The following AP1B1 variants were observed in gnomAD, a reference collection of about 807,000 sequenced individuals.
AP1B1 encodes adaptor related protein complex 1 subunit beta 1.
In AP1B1, 36 loss-of-function variants were observed where a neutral mutation model predicts 104.3. The ratio of observed to expected loss-of-function variants is 0.35; its 90% CI spans 0.26 to 0.46. The LOEUF (loss-of-function observed/expected upper bound fraction) is 0.46. AP1B1 is among the 20% of genes least tolerant of loss of function. The pLI, the probability that AP1B1 is intolerant of heterozygous loss-of-function variation, is 1.00. For missense variants in AP1B1, 901 were observed against 1,247.9 expected, an observed-to-expected ratio of 0.72 and a Z score of 4.19; for synonymous variants, 504 against 517.5, an observed-to-expected ratio of 0.97 and a Z score of 0.35.
Position 29,328,912 on chromosome 22 carries a change from G to A in AP1B1, c.2776-17C>T. On this transcript the variant is annotated splice_polypyrimidine_tract_variant and intron_variant, in intron 22 of 22. Coordinates refer to ENST00000357586, the MANE Select transcript of AP1B1 (RefSeq NM_001127.4). The surrounding 1 kb of genome is among the most constrained non-coding windows in gnomAD (Gnocchi z 4.1). ...CAGGGACAGCTGCAGGGGAGAGAGGGGTCGGGGGAAAGAGCGCTCATCCCT... is the reference window on the plus strand; with the variant it reads ...CAGGGACAGCTGCAGGGGAGAGAGGAGTCGGGGGAAAGAGCGCTCATCCCT... 6.2e-7 allele frequency: 1 copy of A among 1,603,262 alleles called. No individual in the cohort carries two copies. Among genetic ancestry groups the A allele is most frequent in the Non-Finnish European group, 8.5e-7 (1 of 1,176,932 alleles).
intron 1 of AP1B1, among the ~76,000 whole-genome samples, chr22:29,385,238 T>C (rs1253275429): frequency 6.6e-6 from 1 of 152,030 alleles, no homozygotes; most frequent in Non-Finnish European, 1.5e-5. Context: ...TAAAAACAAT[T>C]TGCCAGGCAC....
rs572161344 is a variant in AP1B1, at chr22:29,340,736, G to T, written c.1918C>A (p.Pro640Thr). The T allele has an allele frequency of 2.3e-5, 36 of 1,595,448 alleles. No homozygotes were observed. The African/African-American group carries it at 3.6e-4, about 16-fold the overall frequency. The part of the protein sequence containing the change: ...GDLLNLDLGP[P>T]VSGPPLATSS... ...GTGGCCAGGGGTGGGCCGCTCACTGGGGGGCCGAGGTCCAGGTTGAGGAGG... is the reference window on the plus strand; with the variant it reads ...GTGGCCAGGGGTGGGCCGCTCACTGTGGGGCCGAGGTCCAGGTTGAGGAGG... The change falls in exon 14 of 23, where the codon CCA becomes ACA. Residue 640 changes from proline (P) to threonine (T), a missense_variant. Pro to Thr is a conservative substitution (Grantham distance 38). Transcript: ENST00000357586.
chr22:29,388,018 T>G (rs2062559131), intron 1 of AP1B1, among the ~76,000 whole-genome samples: 1 of 152,190 alleles, frequency 6.6e-6, no homozygotes, highest in Admixed American at 6.5e-5. Context: ...TTTTCTAGTT[T>G]TTTTTTCTTT....
rs1048200637 is a variant in AP1B1, at chr22:29,356,721, A to T, written c.526-105T>A. On this transcript the variant is annotated intron_variant, in intron 5 of 22. Transcript: ENST00000357586. The stretch of plus-strand genomic sequence containing the variant: ...GTCAGAGGTCAAATATCCTGAAAGG[A>T]ATATGACCCAATGGGCAGGGTCTGG... 2.8e-6 allele frequency: 3 copies of T among 1,074,900 alleles called. No individual in the cohort carries two copies. The Admixed American group carries it at 6.5e-5, about 23-fold the overall frequency. 66.6% of individuals were successfully genotyped at this position (1,074,900 alleles called of 1,614,324 possible). A position where few individuals can be genotyped will look rare whatever the true frequency, so the allele number is the denominator to read the frequency against.
chr22:29,375,339 G>GATT lies in AP1B1; in HGVS notation c.-27-8072_-27-8070dup, dbSNP rs572696636. Among the ~76,000 whole-genome samples the GATT allele has an allele frequency of 4.3e-3, 441 of 103,580 alleles. 1 individual carries two copies. The highest frequency in any genetic ancestry group is 0.039 in the South Asian group (103 of 2,658). The allele number at this position is 103,580 out of a possible 152,430, so 68.0% of individuals were successfully genotyped here. A position where few individuals can be genotyped will look rare whatever the true frequency, so the allele number is the denominator to read the frequency against. Reference sequence around the variant, plus strand: ...CACTCCAGCCTGCGTGACAGAGTGAGATTCCATCACAAAAAAAAAAAAAAA... The same window carrying GATT: ...CACTCCAGCCTGCGTGACAGAGTGAGATTATTCCATCACAAAAAAAAAAAAAAA... On this transcript the variant is annotated intron_variant, in intron 1 of 22. Transcript: ENST00000357586.
intron 3 of AP1B1, 130 bp downstream of exon 3, chr22:29,362,871 T>A: frequency 1.5e-6 from 1 of 660,570 alleles, no homozygotes; most frequent in Non-Finnish European, 2.8e-6. Flanking sequence ...AAGAAAGTTT[T>A]ATGAAGGGAG....
chr22:29,385,989 A>G (rs1316374612), intron 1 of AP1B1, among the ~76,000 whole-genome samples: 1 of 152,218 alleles, frequency 6.6e-6, no homozygotes, highest in Admixed American at 6.5e-5. Context: ...TGAAACAAGA[A>G]GGGTGGAAAA....
chr22:29,366,226 G>T (rs1485417029), intron 2 of AP1B1, among the ~76,000 whole-genome samples: 1 of 152,142 alleles, frequency 6.6e-6, no homozygotes, highest in Admixed American at 6.5e-5. Context: ...AATGATATAA[G>T]CCTAGCTTAG....
Position 29,350,155 on chromosome 22 carries a change from A to G in AP1B1, c.1156-5T>C, listed in dbSNP as rs1418357408. The G allele has an allele frequency of 6.2e-7, 1 of 1,613,084 alleles. No individual in the cohort carries two copies. The highest frequency in any genetic ancestry group is 8.5e-7 in the Non-Finnish European group (1 of 1,179,220). On this transcript the variant is annotated splice_region_variant and splice_polypyrimidine_tract_variant and intron_variant, in intron 9 of 22. Transcript: ENST00000357586. ...CACACAGCGCTCCGCAGATTGCTGC[A>G]TGGGAAGAGAAGAGTGTGGGCGAGG...
intron 3 of AP1B1, among the ~76,000 whole-genome samples, chr22:29,361,831 G>C (rs1411553622): frequency 6.6e-6 from 1 of 151,608 alleles, no homozygotes; most frequent in Non-Finnish European, 1.5e-5. Flanking sequence ...GTCTTGCTCT[G>C]TTGCCCAGGC....
chr22:29,339,002 C>A lies in AP1B1; in HGVS notation c.2151G>T (p.Val717=). ...SGVGTLSGSY[V]APKAVWLPAM... is the part of the protein sequence containing the mutation. ...ACAAGTGACTTACTGCTTTGGGGGC[C>A]ACATATGATCCTGACAGGGTGCCCA... The change falls in exon 16 of 23, where the codon GTG becomes GTT. Residue 717 remains valine, a synonymous_variant. Coordinates refer to ENST00000357586, the MANE Select transcript of AP1B1 (RefSeq NM_001127.4). 1 of 1,614,114 alleles carries A rather than the reference C, an allele frequency of 6.2e-7. No homozygotes were observed. The highest frequency in any genetic ancestry group is 2.2e-5 in the East Asian group (1 of 44,886).
chr22:29,367,429 A>G (rs2062161404), intron 1 of AP1B1, among the ~76,000 whole-genome samples, 159 bp from the exon 2 acceptor site: 1 of 145,752 alleles, frequency 6.9e-6, no homozygotes, highest in African/African-American at 2.6e-5. Flanking sequence ...GGCAGATTAG[A>G]TTTTGAAAAG....
At chr22:29,338,020 C>T (rs530823541) in intron 16 of AP1B1, among the ~76,000 whole-genome samples, 1 of 152,372 alleles carries the variant, frequency 6.6e-6, no homozygotes, top group Admixed American at 6.5e-5. Context: ...CCAGCTTCCT[C>T]CTTCACTGAT....
chr22:29,333,888 A>G (rs1488705576), intron 17 of AP1B1, among the ~76,000 whole-genome samples: 1 of 149,076 alleles, frequency 6.7e-6, no homozygotes, highest in African/African-American at 2.5e-5. Flanking sequence ...AGATGGTGAA[A>G]CCCCATCTCT....
intron 2 of AP1B1, among the ~76,000 whole-genome samples, chr22:29,365,096 C>T (rs1374878827): frequency 6.6e-6 from 1 of 152,156 alleles, no homozygotes; most frequent in Admixed American, 6.6e-5. Flanking sequence ...CATTTCCCTC[C>T]GTTTTGCAAA....
At chr22:29,377,150 C>T (rs2062357091) in intron 1 of AP1B1, among the ~76,000 whole-genome samples, 1 of 146,054 alleles carries the variant, frequency 6.8e-6, no homozygotes, top group Non-Finnish European at 1.5e-5. Context: ...AAGCCGAGAC[C>T]GTGCCACTGC....
At chr22:29,363,239 C>T (rs1281531774) in intron 2 of AP1B1, 133 bp from the exon 3 acceptor site, 6 of 613,450 alleles carry the variant, frequency 9.8e-6, no homozygotes, top group African/African-American at 3.7e-5. Flanking sequence ...AAGCTTCAGG[C>T]GCCTGGCCTC....
At chr22:29,372,086 T>C (rs1057347674) in intron 1 of AP1B1, among the ~76,000 whole-genome samples, 1 of 152,128 alleles carries the variant, frequency 6.6e-6, no homozygotes, top group African/African-American at 2.4e-5. Flanking sequence ...TGATGTCACA[T>C]CCCAGAAACA....
chr22:29,360,137 G>C (rs974589660), intron 3 of AP1B1, among the ~76,000 whole-genome samples, 178 bp from the exon 4 acceptor site: 2 of 152,226 alleles, frequency 1.3e-5, no homozygotes, highest in Non-Finnish European at 2.9e-5. Context: ...CCTATTGATA[G>C]AAAGGGAATC....
Sources: allele counts gnomAD v4.1 joint callset (sites outside exome capture counted in the v4.1 genomes callset), GRCh38; gene constraint gnomAD v4.1.1; non-coding constraint Gnocchi (gnomAD v3.1); transcripts MANE v1.5; gene names NCBI Gene and HGNC (gene_info 2026-07-23, HGNC 2026-07-21).